PGAP1: variants seen among roughly 807,000 people sequenced by gnomAD.
PGAP1 encodes post-GPI attachment to proteins inositol deacylase 1.
A neutral mutation model predicts 127.0 loss-of-function variants in PGAP1; 76 were observed. The ratio of observed to expected loss-of-function variants is 0.60; its 90% CI spans 0.50 to 0.72. The LOEUF is 0.72. Among genes scored for constraint, PGAP1 ranks in the 30% least tolerant of loss-of-function variants. The pLI is 0.00. For synonymous variants in PGAP1, 362 were observed against 366.5 expected, an observed-to-expected ratio of 0.99 and a Z score of 0.14; for missense variants, 982 against 1,071.3, an observed-to-expected ratio of 0.92 and a Z score of 1.16.
chr2:196,841,581 A>G (rs1007285109), intron 26 of PGAP1, among the ~76,000 whole-genome samples: 2 of 152,086 alleles, frequency 1.3e-5, no homozygotes, highest in Admixed American at 6.6e-5. Flanking sequence ...GCAGTGGCGC[A>G]ATCTCGGCTC....
intron 8 of PGAP1, among the ~76,000 whole-genome samples, chr2:196,892,861 TAGG>T (rs1409917143): frequency 2.0e-5 from 3 of 152,108 alleles, no homozygotes; most frequent in South Asian, 2.1e-4. Flanking sequence ...ATGCAATTGT[TAGG>T]AGAACAGTCA....
chr2:196,904,533 C>T (rs371086959), intron 4 of PGAP1, among the ~76,000 whole-genome samples: 4 of 152,054 alleles, frequency 2.6e-5, no homozygotes, highest in African/African-American at 4.8e-5. Context: ...GTCAAGAGAT[C>T]GAGACCATCC....
chr2:196,923,331 C>T (rs1280444374), intron 1 of PGAP1, among the ~76,000 whole-genome samples: 2 of 152,196 alleles, frequency 1.3e-5, no homozygotes, highest in African/African-American at 2.4e-5. Context: ...CATACACCCT[C>T]CATGTCCCAG....
intron 14 of PGAP1, among the ~76,000 whole-genome samples, chr2:196,874,723 A>G (rs2125801788): frequency 6.6e-6 from 1 of 152,308 alleles, no homozygotes. Context: ...TAATCATAAG[A>G]AAGTATTAGG....
chr2:196,897,674 G>A (rs971300824), intron 6 of PGAP1, among the ~76,000 whole-genome samples: 38 of 152,132 alleles, frequency 2.5e-4, no homozygotes, highest in Admixed American at 7.2e-4. Context: ...AGTCACTGCC[G>A]GTGATTGGCC....
chr2:196,883,302 G>A (rs1360535023), intron 12 of PGAP1, among the ~76,000 whole-genome samples: 1 of 152,184 alleles, frequency 6.6e-6, no homozygotes, highest in Non-Finnish European at 1.5e-5. Flanking sequence ...GGGCAAGGAG[G>A]ACAGAGATGC....
At chr2:196,903,668 T>C (rs192835381) in intron 4 of PGAP1, among the ~76,000 whole-genome samples, 34 of 150,996 alleles carry the variant, frequency 2.3e-4, no homozygotes, top group Admixed American at 2.1e-3. Flanking sequence ...ATCTGGACAA[T>C]ACCATTGACA....
intron 13 of PGAP1, chr2:196,877,516 C>T (rs961142531): frequency 7.2e-5 from 11 of 152,076 alleles, no homozygotes; most frequent in Admixed American, 7.2e-4. Context: ...TTGGAATAAC[C>T]AGAGAGGGCC....
chr2:196,903,832 G>A (rs1373369209), intron 4 of PGAP1, among the ~76,000 whole-genome samples: 1 of 152,172 alleles, frequency 6.6e-6, no homozygotes, highest in Non-Finnish European at 1.5e-5. Context: ...ATTAAATTGA[G>A]GCTAGGGCAG....
intron 20 of PGAP1, among the ~76,000 whole-genome samples, chr2:196,862,573 G>C (rs1325012375): frequency 6.6e-6 from 1 of 152,134 alleles, no homozygotes; most frequent in Non-Finnish European, 1.5e-5. Context: ...AAACTTGCTG[G>C]TTTTTGCAGC....
chr2:196,880,069 T>C lies in PGAP1; in HGVS notation c.1350+7A>G, dbSNP rs1701684100. 8.2e-6 allele frequency: 13 copies of C among 1,590,142 alleles called. No individual in the cohort carries two copies. The highest frequency in any genetic ancestry group is 1.1e-5 in the Non-Finnish European group (13 of 1,160,510). The stretch of plus-strand genomic sequence containing the variant: ...CATTCTAATAACAATCTTAACCCAC[T>C]TGTTACCTTACTTCCACGAACAGAT... On this transcript the variant is annotated splice_region_variant and intron_variant, in intron 13 of 26. Transcript: ENST00000354764.
At chr2:196,846,871 A>G (rs1200138124) in intron 22 of PGAP1, 132 bp downstream of exon 22, 1 of 699,300 alleles carries the variant, frequency 1.4e-6, no homozygotes, top group Non-Finnish European at 2.3e-6. Context: ...TTGAACACTA[A>G]CCCATACTTT....
chr2:196,891,349 G>A (rs1414479535), intron 9 of PGAP1, among the ~76,000 whole-genome samples: 1 of 152,092 alleles, frequency 6.6e-6, no homozygotes, highest in Non-Finnish European at 1.5e-5. Context: ...GGCAGGAAAT[G>A]TACAAAATAA....
At chr2:196,853,661 AAC>A (rs1183346580) in intron 20 of PGAP1, among the ~76,000 whole-genome samples, 3 of 152,202 alleles carry the variant, frequency 2.0e-5, no homozygotes, top group South Asian at 4.1e-4. Flanking sequence ...TAATAAAGAT[AAC>A]ACAGGGAATT....
chr2:196,878,583 T>C (rs890471022), intron 13 of PGAP1, among the ~76,000 whole-genome samples: 2 of 152,192 alleles, frequency 1.3e-5, no homozygotes, highest in Non-Finnish European at 2.9e-5. Context: ...TCTGATCTAT[T>C]CTACAGCATA....
chr2:196,889,789 G>A (rs1023736982), intron 10 of PGAP1, among the ~76,000 whole-genome samples: 2 of 150,334 alleles, frequency 1.3e-5, no homozygotes, highest in South Asian at 2.1e-4. Context: ...AACCCGGGAG[G>A]TGGAGCTTGC....
chr2:196,877,100 A>G (rs1422067070), intron 13 of PGAP1, among the ~76,000 whole-genome samples: 1 of 152,120 alleles, frequency 6.6e-6, no homozygotes, highest in African/African-American at 2.4e-5. Flanking sequence ...TGCTTTAAAA[A>G]TTTGGCTATG....
chr2:196,841,358 G>A lies in PGAP1; in HGVS notation c.2645C>T (p.Thr882Ile). The part of the protein sequence containing the change: ...VSIKSSKLLK[T>I]TSQFPLPLAV... ...CAGAGGAAGTGGAAATTGTGAAGTA[G>A]TCTTCAACAATTTACTGTAAAGAGA... The change falls in exon 27 of 27, where the codon ACT (threonine) becomes ATT (isoleucine). Residue 882 changes from threonine (T) to isoleucine (I), a missense_variant. Coordinates refer to ENST00000354764, the MANE Select transcript of PGAP1 (RefSeq NM_024989.4). 6.2e-7 allele frequency: 1 copy of A among 1,613,082 alleles called. No individual in the cohort carries two copies. Among genetic ancestry groups the A allele is most frequent in the Non-Finnish European group, 8.5e-7 (1 of 1,179,410 alleles).
intron 5 of PGAP1, among the ~76,000 whole-genome samples, 188 bp downstream of exon 5, chr2:196,902,397 A>G (rs1427155712): frequency 7.1e-5 from 6 of 84,646 alleles, no homozygotes. Context: ...ACACATTCAT[A>G]TTCATTCATT....
Sources: allele counts gnomAD v4.1 joint callset (sites outside exome capture counted in the v4.1 genomes callset), GRCh38; gene constraint gnomAD v4.1.1; transcripts MANE v1.5; gene names NCBI Gene and HGNC (gene_info 2026-07-23, HGNC 2026-07-21).